Variants in CPED1 observed in about 807,000 individuals in gnomAD.
CPED1 encodes the protein cadherin like and PC-esterase domain containing 1.
CPED1 carries 114 observed loss-of-function variants against 128.2 expected under a neutral mutation model. That is an observed-to-expected ratio of 0.89 (90% CI 0.76 to 1.04). The LOEUF (loss-of-function observed/expected upper bound fraction) is 1.04. Ranked by LOEUF, CPED1 falls within the 50% of genes least tolerant of loss-of-function variation. The pLI, the probability that CPED1 is intolerant of heterozygous loss-of-function variation, is 0.00. For synonymous variants in CPED1, 462 were observed against 426.7 expected, an observed-to-expected ratio of 1.08 and a Z score of -1.02; for missense variants, 1,211 against 1,207.1, an observed-to-expected ratio of 1.00 and a Z score of -0.05.
chr7:121,024,837 A>G (rs1792534667), intron 3 of CPED1, among the ~76,000 whole-genome samples: 1 of 152,198 alleles, frequency 6.6e-6, no homozygotes, highest in South Asian at 2.1e-4. Context: ...TCCAGGAAAG[A>G]TAAACAAACT....
At chr7:121,037,443 G>T (rs1792924251) in intron 3 of CPED1, among the ~76,000 whole-genome samples, 1 of 152,032 alleles carries the variant, frequency 6.6e-6, no homozygotes. Context: ...AAGATCAGTT[G>T]GCTGTAAGTA....
chr7:121,104,201 T>A (rs1584514074), intron 7 of CPED1, among the ~76,000 whole-genome samples: 1 of 152,124 alleles, frequency 6.6e-6, no homozygotes, highest in Non-Finnish European at 1.5e-5. Flanking sequence ...AAATCTAATT[T>A]TAAGAAATAT....
chr7:121,296,975 T>A lies in CPED1; in HGVS notation c.*1323T>A, dbSNP rs184233026. 3 of 152,276 alleles carry A rather than the reference T, an allele frequency of 2.0e-5. No homozygotes were observed. The East Asian group carries it at 5.8e-4, about 29-fold the overall frequency. 9.4% of individuals were successfully genotyped at this position (152,276 alleles called of 1,614,324 possible). A position where few individuals can be genotyped will look rare whatever the true frequency, so the allele number is the denominator to read the frequency against. ...TGATTGATCAGTTCTTTTGTATGAA[T>A]ATCCACCTCCTTTAAATACTCTATT... On this transcript the variant is annotated 3_prime_UTR_variant, in exon 23 of 23. Coordinates refer to ENST00000310396, the MANE Select transcript of CPED1 (RefSeq NM_024913.5).
chr7:121,236,631 C>T (rs1470438093), intron 16 of CPED1, 83 bp from the exon 17 acceptor site: 1 of 731,024 alleles, frequency 1.4e-6, no homozygotes, highest in East Asian at 2.8e-5. Context: ...GGTTATTTGC[C>T]ACATAAAGTC....
At chr7:121,090,582 T>C (rs917834743) in intron 5 of CPED1, among the ~76,000 whole-genome samples, 2 of 152,210 alleles carry the variant, frequency 1.3e-5, no homozygotes, top group African/African-American at 4.8e-5. Flanking sequence ...CTTTATGTGT[T>C]TGGCGTATCC....
chr7:121,073,077 T>TC (rs1794034468), intron 5 of CPED1, among the ~76,000 whole-genome samples: 1 of 151,996 alleles, frequency 6.6e-6, no homozygotes, highest in Admixed American at 6.6e-5. Flanking sequence ...AACTTTTGAC[T>TC]CCCCCAGAAC....
intron 22 of CPED1, among the ~76,000 whole-genome samples, chr7:121,282,386 C>G (rs964184853): frequency 6.6e-6 from 1 of 152,100 alleles, no homozygotes; most frequent in African/African-American, 2.4e-5. Context: ...ATTTTAATAA[C>G]CCCAAATGGC....
intron 16 of CPED1, among the ~76,000 whole-genome samples, chr7:121,203,623 C>G (rs910002633): frequency 9.9e-5 from 15 of 152,082 alleles, no homozygotes; most frequent in African/African-American, 3.4e-4. Context: ...CCATCACCCT[C>G]TGTCTCCCTC....
intron 22 of CPED1, among the ~76,000 whole-genome samples, chr7:121,277,652 G>A (rs1434645148): frequency 1.3e-5 from 2 of 152,054 alleles, no homozygotes; most frequent in East Asian, 3.9e-4. Context: ...CCTCTGAGAC[G>A]GCTTTGCCTC....
chr7:121,167,762 C>T (rs958347017), intron 16 of CPED1, among the ~76,000 whole-genome samples: 8 of 131,266 alleles, frequency 6.1e-5, no homozygotes, highest in African/African-American at 1.5e-4. Context: ...GATGGAGTCT[C>T]GCTCTGTTGC....
chr7:121,127,408 G>A, intron 10 of CPED1, 151 bp downstream of exon 10: 1 of 466,460 alleles, frequency 2.1e-6, no homozygotes, highest in South Asian at 4.0e-5. Flanking sequence ...TCTGACCTCT[G>A]GACTAAGATT....
At chr7:121,167,616 A>C (rs1240526901) in intron 16 of CPED1, among the ~76,000 whole-genome samples, 1 of 152,216 alleles carries the variant, frequency 6.6e-6, no homozygotes, top group Non-Finnish European at 1.5e-5. Flanking sequence ...TGAAACAGAC[A>C]CCATAACATA....
At chr7:121,004,941 A>C (rs1791966972) in intron 2 of CPED1, among the ~76,000 whole-genome samples, 2 of 152,208 alleles carry the variant, frequency 1.3e-5, no homozygotes, top group Admixed American at 1.3e-4. Flanking sequence ...GTATGACATC[A>C]TGCCCCTATG....
Position 121,100,081 on chromosome 7 carries a change from G to A in CPED1, c.905G>A (p.Arg302His), listed in dbSNP as rs375819148. The A allele has an allele frequency of 1.1e-5, 18 of 1,613,186 alleles. No homozygotes were observed. Among genetic ancestry groups the A allele is most frequent in the Admixed American group, 5.0e-5 (3 of 59,872 alleles). Residue 302 changes from arginine to histidine, a missense_variant, in exon 7 of 23, where the codon CGC becomes CAC. Arg to His is a conservative substitution (Grantham distance 29). Coordinates refer to ENST00000310396, the MANE Select transcript of CPED1 (RefSeq NM_024913.5). The stretch of plus-strand genomic sequence containing the variant: ...GTTTGGAATCCACCAAAGAAAAAAC[G>A]CTTCACTGTCAAGGTAAGCTCTCGG... Reference protein sequence around the residue: ...GTVWNPPKKKRFTVKLQTFFE... With the variant: ...GTVWNPPKKKHFTVKLQTFFE...
intron 16 of CPED1, among the ~76,000 whole-genome samples, chr7:121,211,709 A>C (rs1167114029): frequency 1.3e-5 from 2 of 152,090 alleles, no homozygotes; most frequent in Non-Finnish European, 2.9e-5. Context: ...GGCAACCTGG[A>C]GTAGAGTCAC....
intron 3 of CPED1, among the ~76,000 whole-genome samples, chr7:121,043,500 A>C (rs147168492): frequency 6.6e-6 from 1 of 152,184 alleles, no homozygotes; most frequent in South Asian, 2.1e-4. Context: ...AATAAAACCA[A>C]TTTATCTAAT....
intron 16 of CPED1, among the ~76,000 whole-genome samples, chr7:121,231,339 G>C (rs555134775): frequency 6.6e-6 from 1 of 152,060 alleles, no homozygotes; most frequent in South Asian, 2.1e-4. Flanking sequence ...TTGTCAGCAC[G>C]AATTTGAGCA....
At chr7:121,092,105 C>G (rs1007267922) in intron 5 of CPED1, among the ~76,000 whole-genome samples, 3 of 152,150 alleles carry the variant, frequency 2.0e-5, no homozygotes, top group African/African-American at 7.2e-5. Context: ...GGGGGCTTTG[C>G]TGATATTAGG....
At chr7:121,234,581 C>G (rs1352662581) in intron 16 of CPED1, among the ~76,000 whole-genome samples, 1 of 151,904 alleles carries the variant, frequency 6.6e-6, no homozygotes, top group Admixed American at 6.6e-5. Flanking sequence ...TTGAGTTTCA[C>G]AAGTACTAGA....
Sources: allele counts gnomAD v4.1 joint callset (sites outside exome capture counted in the v4.1 genomes callset), GRCh38; gene constraint gnomAD v4.1.1; transcripts MANE v1.5; gene names NCBI Gene and HGNC (gene_info 2026-07-23, HGNC 2026-07-21).